The following ATG7 variants were observed in gnomAD, a reference collection of about 807,000 sequenced individuals.
ATG7 encodes the protein autophagy related 7.
A neutral mutation model predicts 82.4 loss-of-function variants in ATG7; 70 were observed. That is an observed-to-expected ratio of 0.85 (90% CI 0.70 to 1.04). The LOEUF is 1.04. Ranked by LOEUF, ATG7 falls within the 50% of genes least tolerant of loss-of-function variation. The pLI is 0.00. For synonymous variants in ATG7, 287 were observed against 313.0 expected, an observed-to-expected ratio of 0.92 and a Z score of 0.88; for missense variants, 792 against 864.3, an observed-to-expected ratio of 0.92 and a Z score of 1.05.
chr3:11,406,902 G>A (rs1187414626), intron 19 of ATG7, among the ~76,000 whole-genome samples: 3 of 152,132 alleles, frequency 2.0e-5, no homozygotes, highest in Non-Finnish European at 4.4e-5. Flanking sequence ...ATGAGATTTG[G>A]TTGGGGACAC....
In ATG7 at chr3:11,477,119, G is replaced by A. The variant is rs1275027107; in HGVS notation, c.2079+50193G>A. The stretch of plus-strand genomic sequence containing the variant: ...TGGTGGTGTAATTAAAAGGGAGCAT[G>A]TTTGTACCTGCCAGCATCTTTGAGA... On this transcript the variant is annotated intron_variant, in intron 20 of 20. Transcript: ENST00000693202. The A allele has an allele frequency of 2.3e-6, 3 of 1,289,806 alleles. No homozygotes were observed. In the South Asian group the frequency reaches 3.7e-5, roughly 16 times the overall value. 79.9% of individuals were successfully genotyped at this position (1,289,806 alleles called of 1,614,324 possible).
intron 9 of ATG7, among the ~76,000 whole-genome samples, chr3:11,317,429 G>C (rs896145468): frequency 6.6e-6 from 1 of 151,948 alleles, no homozygotes; most frequent in Non-Finnish European, 1.5e-5. Context: ...AATTTAAAAG[G>C]GACTTTCACA....
At chr3:11,309,285 T>A (rs1232927632) in intron 7 of ATG7, among the ~76,000 whole-genome samples, 1 of 152,194 alleles carries the variant, frequency 6.6e-6, no homozygotes, top group Non-Finnish European at 1.5e-5. Flanking sequence ...AGTAATTGCA[T>A]AGTTTATATA....
At chr3:11,339,128 C>T (rs1953041894) in intron 11 of ATG7, among the ~76,000 whole-genome samples, 1 of 151,842 alleles carries the variant, frequency 6.6e-6, no homozygotes, top group Admixed American at 6.6e-5. Context: ...AGCACCATCT[C>T]TACTGAAAAT....
intron 20 of ATG7, among the ~76,000 whole-genome samples, chr3:11,435,323 A>G (rs1034498731): frequency 2.6e-5 from 4 of 152,194 alleles, no homozygotes; most frequent in Non-Finnish European, 5.9e-5. Flanking sequence ...AATTCAGCCT[A>G]ATAACTTACC....
At chr3:11,350,494 T>C (rs1487111915) in intron 14 of ATG7, among the ~76,000 whole-genome samples, 1 of 152,150 alleles carries the variant, frequency 6.6e-6, no homozygotes, top group Non-Finnish European at 1.5e-5. Context: ...CAGTCCATTG[T>C]ATGTGTTATT....
intron 20 of ATG7, among the ~76,000 whole-genome samples, chr3:11,453,687 T>C (rs552970666): frequency 6.6e-6 from 1 of 152,278 alleles, no homozygotes; most frequent in African/African-American, 2.4e-5. Context: ...AAACAGACAA[T>C]TCACATTGCA....
Position 11,313,421 on chromosome 3 carries a change from G to A in ATG7, c.528+1G>A. 1 of 1,594,830 alleles carries A rather than the reference G, an allele frequency of 6.3e-7. No individual in the cohort carries two copies. The highest frequency in any genetic ancestry group is 8.6e-7 in the Non-Finnish European group (1 of 1,167,136). On this transcript the variant is annotated splice_donor_variant, in intron 8 of 20. Transcript: ENST00000693202. LOFTEE classifies it high-confidence loss of function. ...GGATCAAAGGTTTTCACTAAAACAG[G>A]TATCAACAAATAACCAAAATGCACA...
chr3:11,316,584 G>T (rs1017571942), intron 9 of ATG7, among the ~76,000 whole-genome samples: 11 of 152,170 alleles, frequency 7.2e-5, no homozygotes, highest in Non-Finnish European at 1.5e-4. Flanking sequence ...CCAGTACCTT[G>T]TACAAGTTTC....
rs543420816 is a variant in ATG7 at position 11,366,874 on chromosome 3, C to A, written c.1875+2140C>A. The stretch of plus-strand genomic sequence containing the variant: ...ACCAACTCTTCTAGTTCTTTCTCCT[C>A]GTTTTCAAATGTCTGAAGGATTATT... On this transcript the variant is annotated intron_variant, in intron 18 of 20. Transcript: ENST00000693202. Among the ~76,000 whole-genome samples the A allele has an allele frequency of 7.2e-5, 11 of 151,844 alleles. No individual in the cohort carries two copies. The South Asian group carries it at 2.3e-3, about 32-fold the overall frequency.
intron 20 of ATG7, among the ~76,000 whole-genome samples, chr3:11,461,045 G>T (rs563816915): frequency 1.9e-3 from 283 of 152,306 alleles, no homozygotes; most frequent in African/African-American, 6.5e-3. Context: ...GAGAATGGAT[G>T]AATCCAATCT....
the ATG7 span, among the ~76,000 whole-genome samples, chr3:11,570,459 C>A: frequency 8.5e-5 from 13 of 152,312 alleles, no homozygotes; most frequent in Admixed American, 8.5e-4. Context: ...GGACCCCGGT[C>A]CCTGGCTGGA....
intron 19 of ATG7, among the ~76,000 whole-genome samples, chr3:11,386,369 A>C (rs1186802717): frequency 6.6e-6 from 1 of 152,224 alleles, no homozygotes; most frequent in Non-Finnish European, 1.5e-5. Context: ...TGATGTCAAC[A>C]CTTCTTGACT....
chr3:11,496,271 G>A (rs1034500231), intron 20 of ATG7, among the ~76,000 whole-genome samples: 6 of 152,192 alleles, frequency 3.9e-5, no homozygotes, highest in African/African-American at 7.2e-5. Context: ...TCCTCACACC[G>A]GTGCTTTTGG....
intron 9 of ATG7, among the ~76,000 whole-genome samples, chr3:11,317,827 G>C (rs1290363849): frequency 1.3e-5 from 2 of 152,012 alleles, no homozygotes; most frequent in East Asian, 3.9e-4. Flanking sequence ...TCCTGACCTC[G>C]TGATCCTCCC....
At chr3:11,441,746 A>G (rs2083997428) in intron 20 of ATG7, among the ~76,000 whole-genome samples, 1 of 147,164 alleles carries the variant, frequency 6.8e-6, no homozygotes, top group Admixed American at 6.8e-5. Context: ...AGCTCACTGC[A>G]ACCTCTGCCT....
At position 11,299,928 on chromosome 3, in the gene ATG7, CT is replaced by C. The variant is rs34118059; in HGVS notation, c.215+526del. Among the ~76,000 whole-genome samples the C allele has an allele frequency of 2.2e-3, 323 of 144,232 alleles. 2 individuals carry two copies. The highest frequency in any genetic ancestry group is 0.021 in the Middle Eastern group (6 of 286). 94.6% of individuals were successfully genotyped at this position (144,232 alleles called of 152,430 possible). ...GGAGTTGCTGGAGAGAAGAGACACA[CT>C]TTTTTTTTTTTTTGAGACAGGATCT... On this transcript the variant is annotated intron_variant, in intron 5 of 20. Coordinates refer to ENST00000693202, the MANE Select transcript of ATG7 (RefSeq NM_001349232.2).
chr3:11,529,895 CT>C (rs1284646274), intron 20 of ATG7: 4 of 152,314 alleles, frequency 2.6e-5, no homozygotes, highest in Non-Finnish European at 5.9e-5. Flanking sequence ...CTCCTTTGCC[CT>C]TTTCTTACTC....
At position 11,415,758 on chromosome 3, in the gene ATG7, CTT is replaced by C. The variant is rs58976243; in HGVS notation, c.1957-11031_1957-11030del. On this transcript the variant is annotated intron_variant, in intron 19 of 20. Coordinates refer to ENST00000693202, the MANE Select transcript of ATG7 (RefSeq NM_001349232.2). ...ATGCCTTCTTCTGGAATGCAGTTAA[CTT>C]TTTTTTTTTTTTTTAAATAAGTAGA... Among the ~76,000 whole-genome samples the C allele has an allele frequency of 4.9e-3, 714 of 146,504 alleles. 2 individuals are homozygous for C. Among genetic ancestry groups the C allele is most frequent in the African/African-American group, 8.7e-3 (350 of 40,178 alleles).
Sources: allele counts gnomAD v4.1 joint callset (sites outside exome capture counted in the v4.1 genomes callset), GRCh38; gene constraint gnomAD v4.1.1; transcripts MANE v1.5; gene names NCBI Gene and HGNC (gene_info 2026-07-23, HGNC 2026-07-21).